The following ANKRD11 variants were observed in gnomAD, a reference collection of about 807,000 sequenced individuals.
ANKRD11 encodes the protein ankyrin repeat domain 11.
In ANKRD11, 17 loss-of-function variants were observed where a neutral mutation model predicts 195.7. The ratio of observed to expected loss-of-function variants is 0.09; its 90% CI spans 0.06 to 0.13. ANKRD11 has a LOEUF of 0.13. ANKRD11 is among the 10% of genes least tolerant of loss of function. ANKRD11 has a pLI of 1.00. For synonymous variants in ANKRD11, 1,953 were observed against 1,528.1 expected (o/e 1.28, Z -6.49); for missense variants, 3,735 against 3,566.1 (o/e 1.05, Z -1.21).
chr16:89,446,437 C>G (rs2043795692), intron 1 of ANKRD11, among the ~76,000 whole-genome samples: 1 of 152,082 alleles, frequency 6.6e-6, no homozygotes, highest in Admixed American at 6.6e-5. Flanking sequence ...AACCCCATCT[C>G]TACAAAAAAC....
At chr16:89,377,122 C>T (rs1347450672) in intron 2 of ANKRD11, among the ~76,000 whole-genome samples, 1 of 152,204 alleles carries the variant, frequency 6.6e-6, no homozygotes, top group African/African-American at 2.4e-5. Context: ...CTTGGTCCCC[C>T]AGAACCCCGT....
intron 2 of ANKRD11, among the ~76,000 whole-genome samples, chr16:89,360,965 G>A (rs769819765): frequency 6.6e-5 from 10 of 152,168 alleles, no homozygotes; most frequent in African/African-American, 9.7e-5. Flanking sequence ...CATCAGGTGA[G>A]AGGCTCCTTG....
intron 2 of ANKRD11, among the ~76,000 whole-genome samples, chr16:89,406,512 C>G (rs1332466554): frequency 6.6e-6 from 1 of 152,186 alleles, no homozygotes; most frequent in African/African-American, 2.4e-5. Context: ...GTTGGCCATG[C>G]CCGGTGTCAG....
intron 2 of ANKRD11, among the ~76,000 whole-genome samples, chr16:89,406,653 T>C (rs2041919943): frequency 6.6e-6 from 1 of 152,120 alleles, no homozygotes. Flanking sequence ...AGGGTTTTAG[T>C]TAACCAGGAC....
chr16:89,324,695 C>T (rs1221471760), intron 2 of ANKRD11: 1 of 347,280 alleles, frequency 2.9e-6, no homozygotes, highest in Non-Finnish European at 5.6e-6. Context: ...ACATCAGACT[C>T]CAAGTGCTTC....
chr16:89,447,809 T>TC (rs2043869028), intron 1 of ANKRD11, among the ~76,000 whole-genome samples: 1 of 150,518 alleles, frequency 6.6e-6, no homozygotes, highest in East Asian at 1.9e-4. Flanking sequence ...TTTTTCTTTT[T>TC]TTTTTTTTTT....
At chr16:89,428,880 C>G (rs2042845637) in intron 1 of ANKRD11, among the ~76,000 whole-genome samples, 1 of 152,160 alleles carries the variant, frequency 6.6e-6, no homozygotes, top group South Asian at 2.1e-4. Flanking sequence ...GGCAACAGAG[C>G]AAGACTCCAC....
intron 1 of ANKRD11, among the ~76,000 whole-genome samples, chr16:89,464,855 G>T (rs935534861): frequency 6.6e-6 from 1 of 152,106 alleles, no homozygotes; most frequent in Non-Finnish European, 1.5e-5. Context: ...GGAAAAGCAA[G>T]CTTCAAGGAT....
At chr16:89,404,080 G>A (rs1281955133) in intron 2 of ANKRD11, among the ~76,000 whole-genome samples, 2 of 152,246 alleles carry the variant, frequency 1.3e-5, no homozygotes, top group Admixed American at 1.3e-4. Flanking sequence ...AGCAAACGCT[G>A]CATCACATAA....
chr16:89,286,207 C>T (rs535648297), intron 7 of ANKRD11, 21 bp from the exon 8 acceptor site: 23 of 1,611,346 alleles, frequency 1.4e-5, no homozygotes, highest in South Asian at 1.1e-4. Flanking sequence ...GTAACACCCG[C>T]GTCAGGGACT....
At chr16:89,332,523 T>C (rs1260098229) in intron 2 of ANKRD11, among the ~76,000 whole-genome samples, 1 of 152,232 alleles carries the variant, frequency 6.6e-6, no homozygotes. Context: ...GTCTGCTCAC[T>C]GATTCTCACC....
rs535648640 is a variant in ANKRD11, at chr16:89,280,729, G to A, written c.5813C>T (p.Pro1938Leu). ...PSYLEPLDEG[P>L]FSAVITEEPV... Reference sequence around the variant, plus strand: ...CTCCTCGGTGATGACGGCGCTGAAGGGACCCTCGTCCAGCGGCTCCAGGTA... The same window carrying A: ...CTCCTCGGTGATGACGGCGCTGAAGAGACCCTCGTCCAGCGGCTCCAGGTA... Residue 1938 changes from proline to leucine, a missense_variant, in exon 9 of 13, where the codon CCC becomes CTC. Transcript: ENST00000301030. The A allele has an allele frequency of 1.9e-6, 3 of 1,613,476 alleles. No homozygotes were observed. Among genetic ancestry groups the A allele is most frequent in the Non-Finnish European group, 2.5e-6 (3 of 1,179,908 alleles).
In ANKRD11 at chr16:89,280,716, G is replaced by A; in HGVS notation, c.5826C>T (p.Val1942=). The change falls in exon 9 of 13, where the codon GTC becomes GTT. Residue 1942 remains valine (V), a synonymous_variant. Coordinates refer to ENST00000301030, the MANE Select transcript of ANKRD11 (RefSeq NM_013275.6). ...CCCACTCAACGGGCTCCTCGGTGAT[G>A]ACGGCGCTGAAGGGACCCTCGTCCA... The part of the protein sequence containing the change: ...EPLDEGPFSA[V]ITEEPVEWAH... 1 of 1,613,432 alleles carries A rather than the reference G, an allele frequency of 6.2e-7. No individual in the cohort carries two copies. Among genetic ancestry groups the A allele is most frequent in the Non-Finnish European group, 8.5e-7 (1 of 1,179,928 alleles).
rs1205451323 is a variant in ANKRD11 at position 89,285,527 on chromosome 16, C to T, written c.1015G>A (p.Ala339Thr). ...HKAKNPEPQK[A>T]TAPVKDEYEF... is the part of the protein sequence containing the mutation. ...TACTCGTCCTTGACGGGGGCCGTGGCCTTCTGTGGCTCTGGGTTCTTGGCC... is the reference window on the plus strand; with the variant it reads ...TACTCGTCCTTGACGGGGGCCGTGGTCTTCTGTGGCTCTGGGTTCTTGGCC... The change falls in exon 9 of 13, where the codon GCC becomes ACC. Residue 339 changes from alanine (A) to threonine (T), a missense_variant. Ala to Thr is a moderately conservative substitution (Grantham distance 58). Transcript: ENST00000301030. The surrounding 1 kb of genome is among the most constrained non-coding windows in gnomAD (Gnocchi z 5.6). 3 of 1,613,886 alleles carry T rather than the reference C, an allele frequency of 1.9e-6. No individual in the cohort carries two copies. Among genetic ancestry groups the T allele is most frequent in the Admixed American group, 1.7e-5 (1 of 59,978 alleles).
chr16:89,353,759 C>A (rs991661949), intron 2 of ANKRD11, among the ~76,000 whole-genome samples: 4 of 152,276 alleles, frequency 2.6e-5, no homozygotes, highest in South Asian at 4.1e-4. Context: ...GGATTACAGG[C>A]GTGAGCCACT....
chr16:89,469,726 G>A (rs866100578), intron 1 of ANKRD11, among the ~76,000 whole-genome samples: 11 of 150,044 alleles, frequency 7.3e-5, no homozygotes, highest in Non-Finnish European at 1.0e-4. Flanking sequence ...GTGAAACCCC[G>A]TCTCTACTAA....
chr16:89,349,134 T>TA (rs59621400), intron 2 of ANKRD11, among the ~76,000 whole-genome samples: 5,261 of 16,438 alleles, frequency 0.32, 1,272 homozygotes, highest in East Asian at 0.38. Context: ...TCTCAAAAAG[T>TA]AAAAAAAAAA....
At chr16:89,362,393 T>C (rs1204399682) in intron 2 of ANKRD11, among the ~76,000 whole-genome samples, 1 of 151,930 alleles carries the variant, frequency 6.6e-6, no homozygotes, top group Non-Finnish European at 1.5e-5. Flanking sequence ...CTGGAGAGAG[T>C]GCACGAAAGT....
intron 4 of ANKRD11, among the ~76,000 whole-genome samples, chr16:89,294,771 G>A (rs1337927927): frequency 1.3e-5 from 2 of 152,216 alleles, no homozygotes; most frequent in Non-Finnish European, 2.9e-5. Flanking sequence ...CGCACTGCCT[G>A]CCTGCCTGCC....
Sources: gnomAD v4.1 joint callset for allele counts (sites outside exome capture counted in the v4.1 genomes callset) on GRCh38, gnomAD v4.1.1 for gene constraint, Gnocchi (gnomAD v3.1) non-coding constraint, MANE v1.5 for transcripts, NCBI Gene and HGNC (gene_info 2026-07-23, HGNC 2026-07-21) for gene names.